MCC: variants seen among roughly 807,000 people sequenced by gnomAD.
MCC encodes the protein MCC regulator of Wnt signaling pathway, also known as colorectal mutant cancer protein.
A neutral mutation model predicts 116.2 loss-of-function variants in MCC; 90 were observed. The observed-to-expected ratio is 0.77, with a 90% CI of 0.65 to 0.92. MCC has a LOEUF of 0.92. Among genes scored for constraint, MCC ranks in the 40% least tolerant of loss-of-function variants. The pLI is 0.00. For synonymous variants in MCC, 578 were observed against 510.5 expected (o/e 1.13, Z -1.78); for missense variants, 1,516 against 1,312.2 (o/e 1.16, Z -2.40).
intron 3 of MCC, among the ~76,000 whole-genome samples, chr5:113,204,960 T>G (rs1762847269): frequency 6.6e-6 from 1 of 152,130 alleles, no homozygotes; most frequent in Admixed American, 6.5e-5. Context: ...TCCCCCGTAT[T>G]CAACAGATGA....
At chr5:113,108,554 G>A (rs541883015) in intron 6 of MCC, among the ~76,000 whole-genome samples, 1 of 151,480 alleles carries the variant, frequency 6.6e-6, no homozygotes, top group Non-Finnish European at 1.5e-5. Context: ...TCAGGAGGCT[G>A]AGGCAGGAGA....
chr5:113,118,408 T>C (rs1188667680), intron 6 of MCC, among the ~76,000 whole-genome samples: 1 of 152,248 alleles, frequency 6.6e-6, no homozygotes, highest in African/African-American at 2.4e-5. Context: ...TTCTCCTTTA[T>C]TTGACTGCTT....
intron 2 of MCC, among the ~76,000 whole-genome samples, chr5:113,376,581 A>ACACC (rs1768986058): frequency 6.7e-6 from 1 of 149,604 alleles, no homozygotes; most frequent in Non-Finnish European, 1.5e-5. Context: ...TTATACACAC[A>ACACC]CACACACACA....
chr5:113,132,986 A>AT (rs1360749741), intron 5 of MCC, among the ~76,000 whole-genome samples: 1 of 152,186 alleles, frequency 6.6e-6, no homozygotes, highest in African/African-American at 2.4e-5. Context: ...AGTTGCAAAA[A>AT]TAAGAATCTA....
At chr5:113,410,445 G>T (rs974393752) in intron 1 of MCC, among the ~76,000 whole-genome samples, 6 of 152,056 alleles carry the variant, frequency 3.9e-5, no homozygotes, top group African/African-American at 1.4e-4. Flanking sequence ...TGATCAATTC[G>T]GTAGGTTAAA....
chr5:113,412,889 A>C lies in MCC; in HGVS notation c.171-27677T>G, dbSNP rs371721336. ...ATGCTTCCAGGTTTGTCCATTCAGTATGATATTGGCTGTGGGTTTGTCATA... is the reference window on the plus strand; with the variant it reads ...ATGCTTCCAGGTTTGTCCATTCAGTCTGATATTGGCTGTGGGTTTGTCATA... On this transcript the variant is annotated intron_variant, in intron 1 of 18. Transcript: ENST00000408903. Among the ~76,000 whole-genome samples, 8 of 152,324 alleles carry C rather than the reference A, an allele frequency of 5.3e-5. No homozygotes were observed. The South Asian group carries it at 1.5e-3, about 28-fold the overall frequency.
At chr5:113,242,122 G>C (rs1238629371) in intron 3 of MCC, among the ~76,000 whole-genome samples, 1 of 152,156 alleles carries the variant, frequency 6.6e-6, no homozygotes, top group Non-Finnish European at 1.5e-5. Context: ...TTTGGCAGTA[G>C]ACCAATACTG....
chr5:113,310,830 G>A (rs1767119540), intron 3 of MCC, among the ~76,000 whole-genome samples: 1 of 152,156 alleles, frequency 6.6e-6, no homozygotes, highest in Non-Finnish European at 1.5e-5. Context: ...CTTCAAAAGT[G>A]GACATTTCTC....
intron 5 of MCC, among the ~76,000 whole-genome samples, chr5:113,128,053 G>T (rs1758182685): frequency 6.6e-6 from 1 of 152,122 alleles, no homozygotes; most frequent in South Asian, 2.1e-4. Flanking sequence ...ATTGGTTAGG[G>T]GTAAAATAAT....
chr5:113,350,819 C>A (rs1405837506), intron 2 of MCC, among the ~76,000 whole-genome samples: 2 of 151,700 alleles, frequency 1.3e-5, no homozygotes, highest in Non-Finnish European at 2.9e-5. Context: ...TCTATAAGGA[C>A]CTCAAACAAA....
At chr5:113,151,013 C>T (rs1287808188) in intron 4 of MCC, among the ~76,000 whole-genome samples, 1 of 152,180 alleles carries the variant, frequency 6.6e-6, no homozygotes, top group Non-Finnish European at 1.5e-5. Flanking sequence ...CACCGCACTC[C>T]AGCTTGGGTG....
At chr5:113,231,191 G>A (rs1014352430) in intron 3 of MCC, among the ~76,000 whole-genome samples, 1 of 152,098 alleles carries the variant, frequency 6.6e-6, no homozygotes. Flanking sequence ...GAGGATTGAG[G>A]TACTAAAACA....
chr5:113,045,327 C>T (rs1751997990), intron 16 of MCC, among the ~76,000 whole-genome samples: 1 of 149,426 alleles, frequency 6.7e-6, no homozygotes, highest in East Asian at 1.9e-4. Flanking sequence ...GCATAAGCAC[C>T]CACCCAGTGG....
In MCC at chr5:113,340,628, T is replaced by G; in HGVS notation, c.518A>C (p.Glu173Ala). Residue 173 changes from glutamate (E) to alanine (A), a missense_variant, in exon 3 of 19, where the codon GAG becomes GCG. By Grantham distance (107) the Glu-to-Ala change is moderately radical. Transcript: ENST00000408903. The stretch of plus-strand genomic sequence containing the variant: ...CTGATGCAAAGAGCTTCCGCCATAC[T>G]CGAGCAGCTTCTGGAGGGCTGACTG... ...QSQSALQKLL[E>A]YGGSSLHQQA... 5 of 1,614,182 alleles carry G rather than the reference T, an allele frequency of 3.1e-6. No individual in the cohort carries two copies. The highest frequency in any genetic ancestry group is 4.2e-6 in the Non-Finnish European group (5 of 1,180,024).
chr5:113,055,191 A>C (rs1752751892), intron 14 of MCC, among the ~76,000 whole-genome samples: 1 of 152,326 alleles, frequency 6.6e-6, no homozygotes, highest in Non-Finnish European at 1.5e-5. Context: ...AAGAGGTGCA[A>C]CTAGACTTGG....
At chr5:113,301,635 T>A (rs1019265375) in intron 3 of MCC, among the ~76,000 whole-genome samples, 3 of 152,112 alleles carry the variant, frequency 2.0e-5, no homozygotes, top group Non-Finnish European at 4.4e-5. Context: ...ACAAGGCCTC[T>A]ATGCAGAGAT....
chr5:113,384,038 G>A (rs987617817), intron 2 of MCC, among the ~76,000 whole-genome samples: 3 of 151,754 alleles, frequency 2.0e-5, no homozygotes, highest in Non-Finnish European at 4.4e-5. Flanking sequence ...TCTTTGTCAA[G>A]GCTACCCTTT....
intron 3 of MCC, among the ~76,000 whole-genome samples, chr5:113,184,512 G>A (rs1457194701): frequency 9.9e-6 from 1 of 100,766 alleles, no homozygotes; most frequent in Non-Finnish European, 1.9e-5. Context: ...ACAGAGTCTT[G>A]TTCTGGTGCT....
chr5:113,302,512 A>T (rs1405843816), intron 3 of MCC, among the ~76,000 whole-genome samples: 2 of 152,214 alleles, frequency 1.3e-5, no homozygotes, highest in Non-Finnish European at 2.9e-5. Context: ...TACTTTTTGG[A>T]TATTTCATGA....
Sources: allele counts gnomAD v4.1 joint callset (sites outside exome capture counted in the v4.1 genomes callset), GRCh38; gene constraint gnomAD v4.1.1; transcripts MANE v1.5; gene names NCBI Gene and HGNC (gene_info 2026-07-23, HGNC 2026-07-21).